APC2: variants seen among roughly 807,000 people sequenced by gnomAD.
The protein encoded by APC2 is adenomatous polyposis coli protein 2.
In APC2, 41 loss-of-function variants were observed where a neutral mutation model predicts 72.5. The observed-to-expected ratio is 0.57, with a 90% CI of 0.44 to 0.73. The LOEUF (loss-of-function observed/expected upper bound fraction) is 0.73, where lower values mean the gene tolerates loss of function less well. Ranked by LOEUF, APC2 falls within the 30% of genes least tolerant of loss-of-function variation. The pLI, the probability that APC2 is intolerant of heterozygous loss-of-function variation, is 0.00. For synonymous variants in APC2, 1,898 were observed against 1,612.0 expected, an observed-to-expected ratio of 1.18 and a Z score of -4.25; for missense variants, 3,729 against 3,403.4, an observed-to-expected ratio of 1.10 and a Z score of -2.38.
Position 1,465,887 on chromosome 19 carries a change from C to T in APC2, c.2586C>T (p.Ser862=), listed in dbSNP as rs777254771. 10 of 1,570,342 alleles carry T rather than the reference C, an allele frequency of 6.4e-6. No homozygotes were observed. Among genetic ancestry groups the T allele is most frequent in the South Asian group, 1.2e-5 (1 of 86,766 alleles). Residue 862 remains serine (S), a synonymous_variant, in exon 15 of 15, where the codon TCC becomes TCT. Transcript: ENST00000590469. ...ARIDQLVEDI[S]ALHTSSDDSF... is the part of the protein sequence containing the mutation. The stretch of plus-strand genomic sequence containing the variant: ...TCGACCAGCTGGTGGAGGACATCTC[C>T]GCCCTGCACACCTCGTCCGACGATA...
In APC2 at chr19:1,469,137, C is replaced by CG; in HGVS notation, c.5839dup (p.Ala1947GlyfsTer206). On this transcript the variant is annotated frameshift_variant, in exon 15 of 15. Coordinates refer to ENST00000590469, the MANE Select transcript of APC2 (RefSeq NM_005883.3). LOFTEE classifies it low-confidence loss of function (END_TRUNC). ...CCGGCGTGGGCCGCCACCGCTGGCT[C>CG]GGGCAGTCCCGGAGCCGGGCCCCAG... The CG allele has an allele frequency of 7.6e-7, 1 of 1,312,902 alleles. No individual in the cohort carries two copies. 81.3% of individuals were successfully genotyped at this position (1,312,902 alleles called of 1,614,324 possible).
chr19:1,460,589 C>G (rs530340272), intron 11 of APC2, among the ~76,000 whole-genome samples, 191 bp from the exon 12 acceptor site: 1 of 152,186 alleles, frequency 6.6e-6, no homozygotes, highest in Non-Finnish European at 1.5e-5. Flanking sequence ...CTCAGGGCCC[C>G]GAGGCTGGGT....
chr19:1,457,874 AGGCCTGGGGCGGGCGGGTTGCGG>A, intron 9 of APC2, 68 bp from the exon 10 acceptor site: 1 of 889,598 alleles, frequency 1.1e-6, no homozygotes, highest in South Asian at 1.6e-5. Context: ...GGGATCCTTC[AGGCCTGGGGCGGGCGGGTTGCGG>A]GACCTTCGGG....
chr19:1,448,843 CAA>C (rs57277236), upstream of APC2, among the ~76,000 whole-genome samples: 355 of 115,230 alleles, frequency 3.1e-3, 2 homozygotes, highest in African/African-American at 9.8e-3. Context: ...GACTCCGTCT[CAA>C]AAAAAAAAAA....
In APC2 at chr19:1,467,698, A is replaced by T. The variant is rs1438043257; in HGVS notation, c.4397A>T (p.Glu1466Val). The stretch of plus-strand genomic sequence containing the variant: ...GCGGGCAAGAACAGAGCAGGGCTGG[A>T]GCTGCCCCTGGGCCGGCCCCCGAGC... ...RGAGKNRAGL[E>V]LPLGRPPSAP... The change falls in exon 15 of 15, where the codon GAG becomes GTG. Residue 1466 changes from glutamate (E) to valine (V), a missense_variant. Transcript: ENST00000590469. 2 of 1,459,506 alleles carry T rather than the reference A, an allele frequency of 1.4e-6. No homozygotes were observed. Among genetic ancestry groups the T allele is most frequent in the African/African-American group, 1.5e-5 (1 of 67,256 alleles). The allele number at this position is 1,459,506 out of a possible 1,614,324, so 90.4% of individuals were successfully genotyped here. A position where few individuals can be genotyped will look rare whatever the true frequency, so the allele number is the denominator to read the frequency against.
Position 1,469,147 on chromosome 19 carries a change from C to T in APC2, c.5846C>T (p.Pro1949Leu). ...RGPPPLARAVPEPGPRGRAGT... is the reference protein window; with the variant it reads ...RGPPPLARAVLEPGPRGRAGT... ...CCGCCACCGCTGGCTCGGGCAGTCCCGGAGCCGGGCCCCAGGGGCCGGGCG... is the reference window on the plus strand; with the variant it reads ...CCGCCACCGCTGGCTCGGGCAGTCCTGGAGCCGGGCCCCAGGGGCCGGGCG... Residue 1949 changes from proline to leucine, a missense_variant, in exon 15 of 15, where the codon CCG (proline) becomes CTG (leucine). Pro to Leu is a moderately conservative substitution (Grantham distance 98, BLOSUM62 -3). Coordinates refer to ENST00000590469, the MANE Select transcript of APC2 (RefSeq NM_005883.3). 7.8e-7 allele frequency: 1 copy of T among 1,289,286 alleles called. No homozygotes were observed. Among genetic ancestry groups the T allele is most frequent in the South Asian group, 2.6e-5 (1 of 38,230 alleles). The allele number at this position is 1,289,286 out of a possible 1,614,324, so 79.9% of individuals were successfully genotyped here. A position where few individuals can be genotyped will look rare whatever the true frequency, so the allele number is the denominator to read the frequency against.
chr19:1,454,962 A>G (rs2083796888), intron 4 of APC2, among the ~76,000 whole-genome samples, 187 bp from the exon 5 acceptor site: 1 of 144,600 alleles, frequency 6.9e-6, no homozygotes, highest in South Asian at 2.2e-4. Flanking sequence ...ATTTTTTTGC[A>G]TCCCCCAGTT....
At position 1,471,933 on chromosome 19, in the gene APC2, C is replaced by G. The variant is rs1568188724; in HGVS notation, c.*1720C>G. ...CCCCATGCTCCGGGCCCACACCCTG[C>G]AGGACAAGGAGCTCCAGACAGGACG... On this transcript the variant is annotated 3_prime_UTR_variant, in exon 15 of 15. Coordinates refer to ENST00000590469, the MANE Select transcript of APC2 (RefSeq NM_005883.3). 6.6e-6 allele frequency: 1 copy of G among 152,432 alleles called. No individual in the cohort carries two copies. Among genetic ancestry groups the G allele is most frequent in the African/African-American group, 2.4e-5 (1 of 41,456 alleles). 9.4% of individuals were successfully genotyped at this position (152,432 alleles called of 1,614,324 possible). A position where few individuals can be genotyped will look rare whatever the true frequency, so the allele number is the denominator to read the frequency against.
chr19:1,471,054 G>A lies in APC2; in HGVS notation c.*841G>A, dbSNP rs921940534. On this transcript the variant is annotated 3_prime_UTR_variant, in exon 15 of 15. Coordinates refer to ENST00000590469, the MANE Select transcript of APC2 (RefSeq NM_005883.3). ...GGCTACCAGCTGGGGCGACCCCAAG[G>A]GTCGCTGGAGTCAGTATCGGCCCGG... 1.3e-5 allele frequency: 2 copies of A among 152,232 alleles called. No homozygotes were observed. The highest frequency in any genetic ancestry group is 2.4e-5 in the African/African-American group (1 of 41,460). 9.4% of individuals were successfully genotyped at this position (152,232 alleles called of 1,614,324 possible).
Position 1,457,392 on chromosome 19 carries a change from G to A in APC2, c.1207+149G>A, listed in dbSNP as rs556640170. 176 of 1,204,294 alleles carry A rather than the reference G, an allele frequency of 1.5e-4. No individual in the cohort carries two copies. The African/African-American group carries it at 2.7e-3, about 18-fold the overall frequency. 74.6% of individuals were successfully genotyped at this position (1,204,294 alleles called of 1,614,324 possible). On this transcript the variant is annotated intron_variant, in intron 9 of 14. Transcript: ENST00000590469. ...CAGGCTCCGGCCGAGGCCTGTGGGG[G>A]CATTTGACGTTGGGAAAAGACCCGC...
chr19:1,467,207 C>G lies in APC2; in HGVS notation c.3906C>G (p.Pro1302=), dbSNP rs777188964. ...TGCGGCTGCTGCCCTCGGCCTGCCC[C>G]GAGCGCGGCGGGGGCGCCGGGGGCG... is the stretch of plus-strand genomic sequence containing the variant. ...VELRLLPSAC[P]ERGGGAGGAG... The change falls in exon 15 of 15, where the codon CCC becomes CCG. Residue 1302 remains proline, a synonymous_variant. Transcript: ENST00000590469. 6.3e-6 allele frequency: 9 copies of G among 1,421,314 alleles called. 1 individual carries two copies. In the South Asian group the frequency reaches 9.9e-5, roughly 16 times the overall value. The allele number at this position is 1,421,314 out of a possible 1,614,324, so 88.0% of individuals were successfully genotyped here.
chr19:1,467,495 C>T lies in APC2; in HGVS notation c.4194C>T (p.Val1398=). Reference sequence around the variant, plus strand: ...CTGACTCCGCGGAGGGCACGCCGGTCAACTTCTCTAGCGCCGCCTCGCTCA... The same window carrying T: ...CTGACTCCGCGGAGGGCACGCCGGTTAACTTCTCTAGCGCCGCCTCGCTCA... ...SCTDSAEGTP[V]NFSSAASLSD... The change falls in exon 15 of 15, where the codon GTC becomes GTT. Residue 1398 remains valine (V), a synonymous_variant. Coordinates refer to ENST00000590469, the MANE Select transcript of APC2 (RefSeq NM_005883.3). 4.8e-6 allele frequency: 7 copies of T among 1,458,856 alleles called. No homozygotes were observed. Among genetic ancestry groups the T allele is most frequent in the Non-Finnish European group, 6.3e-6 (7 of 1,107,516 alleles). The allele number at this position is 1,458,856 out of a possible 1,614,324, so 90.4% of individuals were successfully genotyped here. A position where few individuals can be genotyped will look rare whatever the true frequency, so the allele number is the denominator to read the frequency against.
At position 1,465,492 on chromosome 19, in the gene APC2, G is replaced by T. The variant is rs770373100; in HGVS notation, c.2191G>T (p.Asp731Tyr). The change falls in exon 15 of 15, where the codon GAC becomes TAC. Residue 731 changes from aspartate (D) to tyrosine (Y), a missense_variant. Asp to Tyr is a radical substitution (Grantham distance 160). Coordinates refer to ENST00000590469, the MANE Select transcript of APC2 (RefSeq NM_005883.3). ...RKQRALEAEL[D>Y]ARHLAQALEH... is the part of the protein sequence containing the mutation. ...GCAGCGGGCGCTGGAGGCCGAGCTGGACGCACGGCACCTCGCGCAGGCGCT... is the reference window on the plus strand; with the variant it reads ...GCAGCGGGCGCTGGAGGCCGAGCTGTACGCACGGCACCTCGCGCAGGCGCT... 5.9e-6 allele frequency: 9 copies of T among 1,526,582 alleles called. No homozygotes were observed. In the African/African-American group the frequency reaches 1.3e-4, roughly 21 times the overall value. The allele number at this position is 1,526,582 out of a possible 1,614,324, so 94.6% of individuals were successfully genotyped here.
rs746737603 is a variant in APC2, at chr19:1,466,305, G to A, written c.3004G>A (p.Val1002Met). ...CAAGCTGTCGCCTACCTATCAGCAC[G>A]TGCCACTGCTTGAGGGTGCCTCAAG... is the stretch of plus-strand genomic sequence containing the variant. ...TIKLSPTYQHVPLLEGASRAG... is the reference protein window; with the variant it reads ...TIKLSPTYQHMPLLEGASRAG... Residue 1002 changes from valine to methionine, a missense_variant, in exon 15 of 15, where the codon GTG becomes ATG. Transcript: ENST00000590469. 1.2e-5 allele frequency: 19 copies of A among 1,540,136 alleles called. No homozygotes were observed. Among genetic ancestry groups the A allele is most frequent in the Non-Finnish European group, 1.5e-5 (17 of 1,147,320 alleles).
At chr19:1,463,603 ATTAGC>A (rs975901302) in intron 14 of APC2, among the ~76,000 whole-genome samples, 3 of 151,204 alleles carry the variant, frequency 2.0e-5, no homozygotes, top group Non-Finnish European at 4.4e-5. Flanking sequence ...AAAAAGAAAA[ATTAGC>A]TTGGCTTGGC....
chr19:1,454,290 G>T (rs1284899380), intron 4 of APC2, among the ~76,000 whole-genome samples: 1 of 152,324 alleles, frequency 6.6e-6, no homozygotes, highest in Admixed American at 6.5e-5. Flanking sequence ...GCAAGTATGG[G>T]AGAAGTGTTA....
rs1175469395 is a variant in APC2, at chr19:1,462,041, C to A, written c.1717C>A (p.Gln573Lys). The change falls in exon 14 of 15, where the codon CAG becomes AAG. Residue 573 changes from glutamine to lysine, a missense_variant. Gln to Lys is a moderately conservative substitution (Grantham distance 53, BLOSUM62 1). Coordinates refer to ENST00000590469, the MANE Select transcript of APC2 (RefSeq NM_005883.3). ...CACAGAGAACAAGGCGGCCATCTGC[C>A]AGGTGGATGGCGCCCTGGGCTTCCT... ...HSTENKAAIC[Q>K]VDGALGFLVS... is the part of the protein sequence containing the mutation. 4.3e-6 allele frequency: 7 copies of A among 1,613,066 alleles called. No individual in the cohort carries two copies. The highest frequency in any genetic ancestry group is 5.9e-6 in the Non-Finnish European group (7 of 1,180,024).
At chr19:1,461,308 C>T in intron 13 of APC2, 155 bp downstream of exon 13, 1 of 662,448 alleles carries the variant, frequency 1.5e-6, no homozygotes. Flanking sequence ...GCTCACTCCT[C>T]ATGTCACTGC....
Position 1,466,057 on chromosome 19 carries a change from A to G in APC2, c.2756A>G (p.His919Arg), listed in dbSNP as rs890810439. 4 of 1,509,968 alleles carry G rather than the reference A, an allele frequency of 2.6e-6. No individual in the cohort carries two copies. The highest frequency in any genetic ancestry group is 1.4e-5 in the African/African-American group (1 of 69,228). 93.5% of individuals were successfully genotyped at this position (1,509,968 alleles called of 1,614,324 possible). ...AHPLLRLKAA[H>R]ASLSNDSLNS... ...CCGCTGCTGCGGCTCAAGGCGGCCC[A>G]CGCCAGCCTCTCCAACGACAGCCTC... The change falls in exon 15 of 15, where the codon CAC (histidine) becomes CGC (arginine). Residue 919 changes from histidine (H) to arginine (R), a missense_variant. Transcript: ENST00000590469.
Sources: allele counts gnomAD v4.1 joint callset (sites outside exome capture counted in the v4.1 genomes callset), GRCh38; gene constraint gnomAD v4.1.1; transcripts MANE v1.5; gene names NCBI Gene and HGNC (gene_info 2026-07-23, HGNC 2026-07-21).